STEAP3: variants seen among roughly 807,000 people sequenced by gnomAD.
STEAP3 encodes STEAP3 metalloreductase.
In STEAP3, 35 loss-of-function variants were observed where a neutral mutation model predicts 34.9. The ratio of observed to expected loss-of-function variants is 1.00; its 90% CI spans 0.76 to 1.33. The LOEUF is 1.33. Ranked by LOEUF, STEAP3 falls within the 40% of genes most tolerant of loss-of-function variation. STEAP3 has a pLI of 0.00. For missense variants in STEAP3, 652 were observed against 667.6 expected (o/e 0.98, Z 0.26); for synonymous variants, 281 against 301.6 (o/e 0.93, Z 0.71).
At position 119,263,156 on chromosome 2, in the gene STEAP3, C is replaced by T. The variant is rs746192768; in HGVS notation, c.1315C>T (p.Pro439Ser). The change falls in exon 6 of 6, where the codon CCT (proline) becomes TCT (serine). Residue 439 changes from proline to serine, a missense_variant. Physicochemically the swap from Pro to Ser is moderately conservative, Grantham distance 74. Coordinates refer to ENST00000393110, the MANE Select transcript of STEAP3 (RefSeq NM_182915.3). ...GGAGAGCCGCTACAAGTTCTACCTG[C>T]CTCCCACCTTCACGCTCACGCTGCT... ...FEESRYKFYLPPTFTLTLLVP... is the reference protein window; with the variant it reads ...FEESRYKFYLSPTFTLTLLVP... The T allele has an allele frequency of 3.0e-5, 49 of 1,614,006 alleles. No homozygotes were observed. In the South Asian group the frequency reaches 5.1e-4, roughly 17 times the overall value.
Position 119,248,187 on chromosome 2 carries a change from T to A in STEAP3, c.1031T>A (p.Val344Asp), listed in dbSNP as rs763193179. Reference sequence around the variant, plus strand: ...CGCCGCGCCCACCGCTACGACCTGGTCAACCTGGCAGTCAAGCAGGTACCC... The same window carrying A: ...CGCCGCGCCCACCGCTACGACCTGGACAACCTGGCAGTCAAGCAGGTACCC... ...PLRRAHRYDL[V>D]NLAVKQVLAN... Residue 344 changes from valine to aspartate, a missense_variant, in exon 4 of 6, where the codon GTC becomes GAC. Transcript: ENST00000393110. 14 of 1,591,146 alleles carry A rather than the reference T, an allele frequency of 8.8e-6. No homozygotes were observed. The Admixed American group carries it at 2.4e-4, about 27-fold the overall frequency.
At chr2:119,229,475 A>G (rs1679148726) in intron 1 of STEAP3, among the ~76,000 whole-genome samples, 1 of 152,214 alleles carries the variant, frequency 6.6e-6, no homozygotes. Flanking sequence ...AAAGGTGCAC[A>G]CAAGAACAGT....
chr2:119,264,588 C>T lies in STEAP3; in HGVS notation c.*1250C>T, dbSNP rs941955841. On this transcript the variant is annotated 3_prime_UTR_variant, in exon 6 of 6. Transcript: ENST00000393110. ...CCATCCTTGCTGCTCCCTACTGACT[C>T]TAGCTTACTTCCCCTGTGAAGAAAC... is the stretch of plus-strand genomic sequence containing the variant. 3 of 152,218 alleles carry T rather than the reference C, an allele frequency of 2.0e-5. No individual in the cohort carries two copies. Among genetic ancestry groups the T allele is most frequent in the African/African-American group, 7.2e-5 (3 of 41,426 alleles). The allele number at this position is 152,218 out of a possible 1,614,324, so 9.4% of individuals were successfully genotyped here.
intron 1 of STEAP3, among the ~76,000 whole-genome samples, chr2:119,224,295 ATC>A (rs1408863863): frequency 1.3e-5 from 2 of 152,050 alleles, no homozygotes; most frequent in African/African-American, 4.8e-5. Flanking sequence ...GTGGGCGGGG[ATC>A]TTCCAGGCTC....
At chr2:119,251,077 T>C (rs963975684) in intron 4 of STEAP3, among the ~76,000 whole-genome samples, 2 of 152,180 alleles carry the variant, frequency 1.3e-5, no homozygotes, top group Non-Finnish European at 2.9e-5. Flanking sequence ...AAGCAGATTC[T>C]GGATGGTCCA....
intron 1 of STEAP3, among the ~76,000 whole-genome samples, chr2:119,224,905 T>G (rs1405189726): frequency 6.6e-6 from 1 of 152,214 alleles, no homozygotes; most frequent in Non-Finnish European, 1.5e-5. Context: ...GGAAACAGCC[T>G]CAGAGAGTCC....
intron 2 of STEAP3, among the ~76,000 whole-genome samples, chr2:119,233,802 G>A (rs531330449): frequency 1.4e-4 from 22 of 152,304 alleles, no homozygotes; most frequent in African/African-American, 4.3e-4. Flanking sequence ...GCTGCTCCCC[G>A]GGCTGCCTGG....
In STEAP3 at chr2:119,230,813, C is replaced by T. The variant is rs1197131628; in HGVS notation, c.-200C>T. 3.0e-6 allele frequency: 2 copies of T among 663,196 alleles called. No individual in the cohort carries two copies. Among genetic ancestry groups the T allele is most frequent in the Non-Finnish European group, 5.4e-6 (2 of 370,816 alleles). The allele number at this position is 663,196 out of a possible 1,614,324, so 41.1% of individuals were successfully genotyped here. A position where few individuals can be genotyped will look rare whatever the true frequency, so the allele number is the denominator to read the frequency against. ...CATCAGTCACCACTCCCGGTCCAGC[C>T]CCTGTGGCCAAGAGCTGGCGTGCAG... On this transcript the variant is annotated 5_prime_UTR_variant, in exon 2 of 6. Transcript: ENST00000393110.
intron 2 of STEAP3, 105 bp from the exon 3 acceptor site, chr2:119,245,384 G>T: frequency 6.7e-7 from 1 of 1,481,810 alleles, no homozygotes; most frequent in Non-Finnish European, 9.0e-7. Flanking sequence ...CACCTGCTGG[G>T]TGAATGTCTG....
At chr2:119,224,791 A>C (rs73948615) in intron 1 of STEAP3, among the ~76,000 whole-genome samples, 5,920 of 152,246 alleles carry the variant, frequency 0.039, 346 homozygotes, top group South Asian at 0.17. Flanking sequence ...TTAACAGCAG[A>C]TATTCCCATT....
chr2:119,248,007 G>C lies in STEAP3; in HGVS notation c.851G>C (p.Gly284Ala), dbSNP rs947336917. 28 of 1,611,262 alleles carry C rather than the reference G, an allele frequency of 1.7e-5. No individual in the cohort carries two copies. Among genetic ancestry groups the C allele is most frequent in the Non-Finnish European group, 2.4e-5 (28 of 1,179,898 alleles). ...YVLLSLVYLP[G>A]VLAAALQLRR... ...CTGCTGTCACTCGTGTACTTGCCCG[G>C]CGTGCTGGCGGCTGCCCTGCAGCTG... The change falls in exon 4 of 6, where the codon GGC (glycine) becomes GCC (alanine). Residue 284 changes from glycine (G) to alanine (A), a missense_variant. Gly to Ala is a moderately conservative substitution (Grantham distance 60, BLOSUM62 0). Coordinates refer to ENST00000393110, the MANE Select transcript of STEAP3 (RefSeq NM_182915.3).
chr2:119,235,474 C>T (rs1677068468), intron 2 of STEAP3, among the ~76,000 whole-genome samples: 1 of 152,244 alleles, frequency 6.6e-6, no homozygotes. Flanking sequence ...AGTTCATTGA[C>T]TCCGTCCACA....
chr2:119,230,238 G>C (rs555667125), intron 1 of STEAP3, among the ~76,000 whole-genome samples: 1 of 152,128 alleles, frequency 6.6e-6, no homozygotes, highest in Non-Finnish European at 1.5e-5. Flanking sequence ...TTGGGCTGCC[G>C]GTGTGGCCTC....
At chr2:119,247,352 G>C (rs565305436) in intron 3 of STEAP3, among the ~76,000 whole-genome samples, 3 of 152,370 alleles carry the variant, frequency 2.0e-5, no homozygotes, top group African/African-American at 7.2e-5. Flanking sequence ...CCATGTCGGG[G>C]GCCCATGGGG....
chr2:119,245,670 C>A lies in STEAP3; in HGVS notation c.204C>A (p.Ser68Arg), dbSNP rs748606919. ...CTGGCTTCAAAGTGGTGGTGGGGAGCCGCAACCCCAAACGCACAGCCAGGC... is the reference window on the plus strand; with the variant it reads ...CTGGCTTCAAAGTGGTGGTGGGGAGACGCAACCCCAAACGCACAGCCAGGC... ...VGSGFKVVVGSRNPKRTARLF... is the reference protein window; with the variant it reads ...VGSGFKVVVGRRNPKRTARLF... Residue 68 changes from serine to arginine, a missense_variant, in exon 3 of 6, where the codon AGC becomes AGA. Transcript: ENST00000393110. 31 of 1,612,564 alleles carry A rather than the reference C, an allele frequency of 1.9e-5. No individual in the cohort carries two copies. The Admixed American group carries it at 4.5e-4, about 23-fold the overall frequency.
intron 2 of STEAP3, among the ~76,000 whole-genome samples, chr2:119,234,610 C>A (rs1677036399): frequency 6.6e-6 from 1 of 152,348 alleles, no homozygotes; most frequent in African/African-American, 2.4e-5. Flanking sequence ...GGCCCCGGCG[C>A]CTTGCTTCAT....
rs529342322 is a variant in STEAP3, at chr2:119,244,975, G to A, written c.23-514G>A. On this transcript the variant is annotated intron_variant, in intron 2 of 5. Transcript: ENST00000393110. ...AGATGAGATGAGGTCCTGCCCTCAA[G>A]CTGTTCACCATGCTTCAGGGAGAGC... is the stretch of plus-strand genomic sequence containing the variant. 39 of 159,570 alleles carry A rather than the reference G, an allele frequency of 2.4e-4. 1 individual carries two copies. The South Asian group carries it at 6.4e-3, about 26-fold the overall frequency. 9.9% of individuals were successfully genotyped at this position (159,570 alleles called of 1,614,324 possible).
Position 119,245,941 on chromosome 2 carries a change from A to C in STEAP3, c.475A>C (p.Ile159Leu). Residue 159 changes from isoleucine to leucine, a missense_variant, in exon 3 of 6, where the codon ATC becomes CTC. Physicochemically the swap from Ile to Leu is conservative, Grantham distance 5. Coordinates refer to ENST00000393110, the MANE Select transcript of STEAP3 (RefSeq NM_182915.3). ...CACAGTGGTCAAGGCCTTCAATGTC[A>C]TCTCTGCCTGGACCCTGCAGGCTGG... ...TCTVVKAFNV[I>L]SAWTLQAGPR... The C allele has an allele frequency of 6.2e-7, 1 of 1,613,832 alleles. No individual in the cohort carries two copies. Among genetic ancestry groups the C allele is most frequent in the Non-Finnish European group, 8.5e-7 (1 of 1,180,032 alleles).
At chr2:119,231,064 G>A (rs577056612) in intron 2 of STEAP3, 30 bp downstream of exon 2, 2 of 1,614,022 alleles carry the variant, frequency 1.2e-6, no homozygotes, top group African/African-American at 2.7e-5. Flanking sequence ...AGATCCAAGG[G>A]GGCATGGGTC....
Sources: allele counts gnomAD v4.1 joint callset (sites outside exome capture counted in the v4.1 genomes callset), GRCh38; gene constraint gnomAD v4.1.1; transcripts MANE v1.5; gene names NCBI Gene and HGNC (gene_info 2026-07-23, HGNC 2026-07-21).